Variants in PCOLCE2 observed in about 807,000 individuals in gnomAD.
PCOLCE2 encodes the protein procollagen C-endopeptidase enhancer 2, also known as procollagen C-proteinase enhancer 2.
A neutral mutation model predicts 47.0 loss-of-function variants in PCOLCE2; 42 were observed. That is an observed-to-expected ratio of 0.89 (90% CI 0.70 to 1.16). The LOEUF is 1.16. PCOLCE2 is among the 50% of genes most tolerant of loss of function. The pLI is 0.00. For synonymous variants in PCOLCE2, 169 were observed against 191.7 expected (o/e 0.88, Z 0.98); for missense variants, 500 against 526.1 (o/e 0.95, Z 0.49).
chr3:142,884,003 A>G (rs183898987), intron 2 of PCOLCE2, among the ~76,000 whole-genome samples: 1 of 152,274 alleles, frequency 6.6e-6, no homozygotes, highest in East Asian at 1.9e-4. Context: ...AAATTCGCCT[A>G]TGTGTCTCCT....
chr3:142,841,488 G>A (rs2108193737), intron 4 of PCOLCE2, among the ~76,000 whole-genome samples: 1 of 152,244 alleles, frequency 6.6e-6, no homozygotes, highest in Non-Finnish European at 1.5e-5. Context: ...ATGTCACAGA[G>A]AAAATGATCA....
chr3:142,837,439 T>C (rs1937215993), intron 5 of PCOLCE2, among the ~76,000 whole-genome samples: 1 of 144,866 alleles, frequency 6.9e-6, no homozygotes. Flanking sequence ...CTATCTTGTA[T>C]GTATTAAAAC....
chr3:142,879,567 T>C (rs1933563112), intron 2 of PCOLCE2, among the ~76,000 whole-genome samples: 1 of 152,212 alleles, frequency 6.6e-6, no homozygotes, highest in South Asian at 2.1e-4. Context: ...ATTTAGGATT[T>C]ATATTTGCCC....
chr3:142,863,535 C>T lies in PCOLCE2; in HGVS notation c.193-15063G>A, dbSNP rs186709910. 4.9e-4 allele frequency among the ~76,000 whole-genome samples: 74 copies of T among 152,224 alleles called. 1 individual carries two copies. Among genetic ancestry groups the T allele is most frequent in the Admixed American group, 4.2e-3 (64 of 15,296 alleles). ...GAAAAACTTTTACAAGAGAAAACAACGTCTGAGGCCACAGACGACTGTCTT... is the reference window on the plus strand; with the variant it reads ...GAAAAACTTTTACAAGAGAAAACAATGTCTGAGGCCACAGACGACTGTCTT... On this transcript the variant is annotated intron_variant, in intron 2 of 8. Transcript: ENST00000295992.
chr3:142,850,703 T>C (rs112384044), intron 2 of PCOLCE2, among the ~76,000 whole-genome samples: 1 of 152,254 alleles, frequency 6.6e-6, no homozygotes, highest in Non-Finnish European at 1.5e-5. Flanking sequence ...GGGAGAAAAC[T>C]GGATAAAAGG....
At chr3:142,868,264 T>C (rs1425971773) in intron 2 of PCOLCE2, among the ~76,000 whole-genome samples, 7 of 152,108 alleles carry the variant, frequency 4.6e-5, no homozygotes, top group African/African-American at 1.4e-4. Flanking sequence ...AATAGTAATA[T>C]ACACAGTCCA....
chr3:142,881,249 C>A (rs2108212210), intron 2 of PCOLCE2, among the ~76,000 whole-genome samples: 1 of 152,228 alleles, frequency 6.6e-6, no homozygotes, highest in Non-Finnish European at 1.5e-5. Flanking sequence ...CCTTTGTATA[C>A]CATTTACAAG....
rs137975778 is a variant in PCOLCE2 at position 142,851,596 on chromosome 3, G to A, written c.193-3124C>T. 3.2e-3 allele frequency among the ~76,000 whole-genome samples: 480 copies of A among 152,254 alleles called. 2 individuals are homozygous for A. The highest frequency in any genetic ancestry group is 8.9e-3 in the African/African-American group (369 of 41,532). On this transcript the variant is annotated intron_variant, in intron 2 of 8. Coordinates refer to ENST00000295992, the MANE Select transcript of PCOLCE2 (RefSeq NM_013363.4). ...GGACAAAATAACAGTGGAAGTGGGA[G>A]GCTGAGGAACTATGGAGGATAAGTT...
intron 5 of PCOLCE2, among the ~76,000 whole-genome samples, chr3:142,833,328 A>G (rs142515249): frequency 5.6e-4 from 86 of 152,220 alleles, no homozygotes; most frequent in African/African-American, 1.9e-3. Context: ...AGCGGGGATT[A>G]CATGCACTAC....
At chr3:142,849,462 T>C (rs549701897) in intron 2 of PCOLCE2, among the ~76,000 whole-genome samples, 1 of 152,292 alleles carries the variant, frequency 6.6e-6, no homozygotes, top group African/African-American at 2.4e-5. Flanking sequence ...TAAGCTTTCA[T>C]TTTATCATAA....
At chr3:142,866,216 C>T (rs1276527351) in intron 2 of PCOLCE2, among the ~76,000 whole-genome samples, 1 of 152,184 alleles carries the variant, frequency 6.6e-6, no homozygotes, top group Non-Finnish European at 1.5e-5. Context: ...GTCCTCCAAT[C>T]TGTTGAGGGC....
intron 2 of PCOLCE2, among the ~76,000 whole-genome samples, chr3:142,870,331 T>C (rs1933364679): frequency 6.6e-6 from 1 of 152,176 alleles, no homozygotes; most frequent in African/African-American, 2.4e-5. Flanking sequence ...AAGTGGACTG[T>C]TTAAATTTGG....
chr3:142,818,185 T>A lies in PCOLCE2; in HGVS notation c.*150A>T, dbSNP rs1323944008. On this transcript the variant is annotated 3_prime_UTR_variant, in exon 9 of 9. Coordinates refer to ENST00000295992, the MANE Select transcript of PCOLCE2 (RefSeq NM_013363.4). ...TCCCTCAGCTATCTCGGAGGCCTCA[T>A]ACCTCCATCATGTGAAGAGTCAACC... 3 of 685,972 alleles carry A rather than the reference T, an allele frequency of 4.4e-6. No homozygotes were observed. Among genetic ancestry groups the A allele is most frequent in the East Asian group, 5.6e-5 (2 of 35,602 alleles). The allele number at this position is 685,972 out of a possible 1,614,324, so 42.5% of individuals were successfully genotyped here.
intron 2 of PCOLCE2, among the ~76,000 whole-genome samples, chr3:142,872,513 CTGTT>C (rs1933410232): frequency 1.3e-5 from 2 of 152,180 alleles, no homozygotes; most frequent in African/African-American, 4.8e-5. Context: ...GCAAGAGTCT[CTGTT>C]TGGCTCACTG....
At chr3:142,854,736 C>T (rs1933032367) in intron 2 of PCOLCE2, among the ~76,000 whole-genome samples, 1 of 152,170 alleles carries the variant, frequency 6.6e-6, no homozygotes, top group African/African-American at 2.4e-5. Flanking sequence ...TCCCACTGCA[C>T]TTAGAATAAA....
chr3:142,836,432 C>T (rs141946145), intron 5 of PCOLCE2, among the ~76,000 whole-genome samples: 3 of 152,300 alleles, frequency 2.0e-5, no homozygotes, highest in African/African-American at 4.8e-5. Context: ...GCACATGCCC[C>T]GGGGGAGCTG....
Position 142,861,585 on chromosome 3 carries a change from GCA to G in PCOLCE2, c.193-13115_193-13114del, listed in dbSNP as rs533938454. 2.2e-3 allele frequency among the ~76,000 whole-genome samples: 339 copies of G among 152,158 alleles called. 1 individual carries two copies. The highest frequency in any genetic ancestry group is 6.7e-3 in the African/African-American group (279 of 41,496). ...TTAGTATCCTGCTTTGATTTTATGT[GCA>G]CAGTGTCTTTTCACATCTCCCTGAG... On this transcript the variant is annotated intron_variant, in intron 2 of 8. Coordinates refer to ENST00000295992, the MANE Select transcript of PCOLCE2 (RefSeq NM_013363.4).
intron 2 of PCOLCE2, among the ~76,000 whole-genome samples, chr3:142,852,250 T>A (rs1932958108): frequency 6.6e-6 from 1 of 152,196 alleles, no homozygotes; most frequent in South Asian, 2.1e-4. Context: ...ATATGAGTGA[T>A]CAAGATTGTC....
At chr3:142,848,541 T>C in intron 2 of PCOLCE2, 69 bp from the exon 3 acceptor site, 1 of 1,319,168 alleles carries the variant, frequency 7.6e-7, no homozygotes, top group East Asian at 2.3e-5. Context: ...ATCTAGTCAC[T>C]TACTTAAGTG....
Sources: allele counts gnomAD v4.1 joint callset (sites outside exome capture counted in the v4.1 genomes callset), GRCh38; gene constraint gnomAD v4.1.1; transcripts MANE v1.5; gene names NCBI Gene and HGNC (gene_info 2026-07-23, HGNC 2026-07-21).